The following NLGN1 variants were observed in gnomAD, a reference collection of about 807,000 sequenced individuals.
NLGN1 encodes the protein neuroligin-1.
In NLGN1, 12 loss-of-function variants were observed where a neutral mutation model predicts 65.5. The ratio of observed to expected loss-of-function variants is 0.18; its 90% CI spans 0.12 to 0.30. The LOEUF is 0.30. NLGN1 is among the 10% of genes least tolerant of loss of function. The pLI is 1.00. For missense variants in NLGN1, 750 were observed against 1,007.1 expected, an observed-to-expected ratio of 0.74 and a Z score of 3.46; for synonymous variants, 350 against 359.5, an observed-to-expected ratio of 0.97 and a Z score of 0.30.
chr3:173,927,621 C>T (rs1236997753), intron 4 of NLGN1, among the ~76,000 whole-genome samples: 1 of 152,006 alleles, frequency 6.6e-6, no homozygotes, highest in Admixed American at 6.6e-5. Context: ...GAAAGACCTC[C>T]CTGGAAAGTT....
intron 2 of NLGN1, among the ~76,000 whole-genome samples, chr3:173,567,030 G>T (rs931029531): frequency 6.6e-6 from 1 of 152,042 alleles, no homozygotes; most frequent in African/African-American, 2.4e-5. Flanking sequence ...GTGCCCTTGT[G>T]GGACCTCATT....
chr3:174,181,295 C>T (rs1000697030), intron 4 of NLGN1, among the ~76,000 whole-genome samples: 1 of 152,126 alleles, frequency 6.6e-6, no homozygotes, highest in Non-Finnish European at 1.5e-5. Context: ...GCCTTTTTAT[C>T]CACAGAACAT....
chr3:174,054,228 A>C (rs936157920), intron 4 of NLGN1, among the ~76,000 whole-genome samples: 6 of 152,060 alleles, frequency 3.9e-5, no homozygotes, highest in African/African-American at 1.4e-4. Context: ...TGGAGCTCTG[A>C]GTAACTAAAA....
intron 3 of NLGN1, among the ~76,000 whole-genome samples, chr3:173,609,338 A>C (rs1168145019): frequency 6.6e-6 from 1 of 151,998 alleles, no homozygotes; most frequent in Admixed American, 6.6e-5. Context: ...ATCTTTGTAT[A>C]TGACTCTGGT....
At chr3:173,563,207 A>G (rs908930919) in intron 2 of NLGN1, among the ~76,000 whole-genome samples, 3 of 152,242 alleles carry the variant, frequency 2.0e-5, no homozygotes, top group African/African-American at 2.4e-5. Flanking sequence ...CTGTAGCTTT[A>G]CAGCCATCGA....
intron 3 of NLGN1, among the ~76,000 whole-genome samples, chr3:173,665,552 G>T (rs756998482): frequency 6.6e-6 from 1 of 151,956 alleles, no homozygotes; most frequent in African/African-American, 2.4e-5. Flanking sequence ...ATATTTCTGC[G>T]GAAATGACAA....
At chr3:173,444,913 T>A (rs1313020026) in intron 2 of NLGN1, among the ~76,000 whole-genome samples, 1 of 151,996 alleles carries the variant, frequency 6.6e-6, no homozygotes, top group African/African-American at 2.4e-5. Flanking sequence ...AAATATTTTC[T>A]TTGGTGTTTT....
intron 4 of NLGN1, among the ~76,000 whole-genome samples, chr3:174,206,312 G>A (rs11918059): frequency 0.086 from 13,162 of 152,176 alleles, 1,134 homozygotes; most frequent in African/African-American, 0.22. Context: ...CAGATACTGG[G>A]CTCGAGGATC....
chr3:174,001,685 A>G lies in NLGN1; in HGVS notation c.646+193853A>G, dbSNP rs561910146. ...TTACTATATTTTGAGGATTAAATAA[A>G]ACAGATAATCCATGTACAACAGTTA... On this transcript the variant is annotated intron_variant, in intron 4 of 6. Transcript: ENST00000457714. Among the ~76,000 whole-genome samples the G allele has an allele frequency of 9.2e-5, 14 of 152,318 alleles. No individual in the cohort carries two copies. In the Middle Eastern group the frequency reaches 0.017, roughly 185 times the overall value.
intron 3 of NLGN1, among the ~76,000 whole-genome samples, chr3:173,745,621 CA>C (rs1240676340): frequency 2.6e-5 from 4 of 151,954 alleles, no homozygotes; most frequent in African/African-American, 4.8e-5. Flanking sequence ...TGATGATCAT[CA>C]GCCCCACACC....
intron 3 of NLGN1, among the ~76,000 whole-genome samples, chr3:173,678,314 G>A (rs973717690): frequency 6.6e-6 from 1 of 152,094 alleles, no homozygotes; most frequent in African/African-American, 2.4e-5. Flanking sequence ...AGACTGTTAA[G>A]AGGGCTACGT....
chr3:173,935,192 T>G (rs2152295231), intron 4 of NLGN1, among the ~76,000 whole-genome samples: 1 of 152,054 alleles, frequency 6.6e-6, no homozygotes, highest in African/African-American at 2.4e-5. Flanking sequence ...AAATCCAACC[T>G]GGTTTTTTAG....
chr3:173,424,107 C>G (rs902744394), intron 1 of NLGN1, among the ~76,000 whole-genome samples: 5 of 152,204 alleles, frequency 3.3e-5, no homozygotes, highest in African/African-American at 1.2e-4. Flanking sequence ...GAAGCAATTG[C>G]CTCAGCTGTA....
In NLGN1 at chr3:173,697,590, C is replaced by T. The variant is rs187747898; in HGVS notation, c.493+92499C>T. 9.6e-3 allele frequency among the ~76,000 whole-genome samples: 1,459 copies of T among 151,902 alleles called. 18 individuals are homozygous for T. The highest frequency in any genetic ancestry group is 0.011 in the Non-Finnish European group (756 of 67,956). On this transcript the variant is annotated intron_variant, in intron 3 of 6. Transcript: ENST00000457714. ...TTGCCCAGGCTGGAGTGCAATGGTG[C>T]GATCTCAGCTCACCGCAACCTCTGC...
At chr3:173,746,192 C>G (rs186982398) in intron 3 of NLGN1, among the ~76,000 whole-genome samples, 1 of 152,136 alleles carries the variant, frequency 6.6e-6, no homozygotes, top group African/African-American at 2.4e-5. Context: ...ATTTGGCAGG[C>G]TAAGGTGGGA....
chr3:173,819,907 G>T (rs1386252347), intron 4 of NLGN1, among the ~76,000 whole-genome samples: 1 of 152,172 alleles, frequency 6.6e-6, no homozygotes, highest in African/African-American at 2.4e-5. Context: ...GTGGCTGGTG[G>T]TATGGAATGT....
chr3:173,828,198 C>A (rs973340977), intron 4 of NLGN1, among the ~76,000 whole-genome samples: 3 of 152,114 alleles, frequency 2.0e-5, no homozygotes, highest in African/African-American at 7.2e-5. Flanking sequence ...TATATAATAG[C>A]ATAATTTGAG....
intron 3 of NLGN1, among the ~76,000 whole-genome samples, chr3:173,688,195 A>G (rs1160907534): frequency 6.6e-6 from 1 of 152,218 alleles, no homozygotes; most frequent in East Asian, 1.9e-4. Flanking sequence ...GTCGTATGAC[A>G]TGGTGTATGT....
Position 173,618,854 on chromosome 3 carries a change from G to A in NLGN1, c.493+13763G>A, listed in dbSNP as rs2149494776. On this transcript the variant is annotated intron_variant, in intron 3 of 6. Transcript: ENST00000457714. ...AAGCTGGCAGTGAGAGATAAAGCTGGCAGCGAGATCAACTGGATCTGTGCC... is the reference window on the plus strand; with the variant it reads ...AAGCTGGCAGTGAGAGATAAAGCTGACAGCGAGATCAACTGGATCTGTGCC... Among the ~76,000 whole-genome samples the A allele has an allele frequency of 2.0e-5, 3 of 152,152 alleles. No individual in the cohort carries two copies. In the South Asian group the frequency reaches 6.2e-4, roughly 32 times the overall value.
Sources: gnomAD v4.1 joint callset for allele counts (sites outside exome capture counted in the v4.1 genomes callset) on GRCh38, gnomAD v4.1.1 for gene constraint, MANE v1.5 for transcripts, NCBI Gene and HGNC (gene_info 2026-07-23, HGNC 2026-07-21) for gene names.